Variants in KRT76 observed in about 807,000 individuals in gnomAD.
KRT76 encodes keratin, type II cytoskeletal 2 oral.
A neutral mutation model predicts 44.9 loss-of-function variants in KRT76; 47 were observed. The observed-to-expected ratio is 1.05, with a 90% CI of 0.83 to 1.33. The LOEUF (loss-of-function observed/expected upper bound fraction) is 1.33, where lower values mean the gene tolerates loss of function less well. Ranked by LOEUF, KRT76 falls within the 40% of genes most tolerant of loss-of-function variation. The pLI, the probability that KRT76 is intolerant of heterozygous loss-of-function variation, is 0.00. For synonymous variants in KRT76, 331 were observed against 294.1 expected (o/e 1.13, Z -1.28); for missense variants, 860 against 775.8 (o/e 1.11, Z -1.29).
In KRT76 at chr12:52,768,886, C is replaced by T; in HGVS notation, c.1744G>A (p.Gly582Arg). The T allele has an allele frequency of 1.9e-6, 3 of 1,613,378 alleles. No homozygotes were observed. The highest frequency in any genetic ancestry group is 2.5e-6 in the Non-Finnish European group (3 of 1,179,520). The change falls in exon 9 of 9, where the codon GGG (glycine) becomes AGG (arginine). Residue 582 changes from glycine (G) to arginine (R), a missense_variant. Gly to Arg is a moderately radical substitution (Grantham distance 125, BLOSUM62 -2). Coordinates refer to ENST00000332411, the MANE Select transcript of KRT76 (RefSeq NM_015848.4). Reference protein sequence around the residue: ...SSGSYQSSSSGSRLGGAGSIS... With the variant: ...SSGSYQSSSSRSRLGGAGSIS... ...CTACCTGCACCGCCGAGCCTGCTCC[C>T]ACTACTGCTGCTCTGGTAGCTCCCG...
At position 52,770,990 on chromosome 12, in the gene KRT76, GC is replaced by G. The variant is rs1939170251; in HGVS notation, c.1484+8del. On this transcript the variant is annotated splice_region_variant and intron_variant, in intron 7 of 8. Transcript: ENST00000332411. ...ATATCTGGAGAATGGTGATCCCATG[GC>G]CCCTCACCTGCACTCCTCTCCCTCC... 1 of 1,613,824 alleles carries G rather than the reference GC, an allele frequency of 6.2e-7. No individual in the cohort carries two copies. The highest frequency in any genetic ancestry group is 8.5e-7 in the Non-Finnish European group (1 of 1,179,876).
chr12:52,771,777 A>G, intron 6 of KRT76, 94 bp downstream of exon 6: 1 of 1,437,048 alleles, frequency 7.0e-7, no homozygotes, highest in Non-Finnish European at 9.5e-7. Flanking sequence ...CCATGAAAGG[A>G]TGGAGAGAGC....
At chr12:52,770,165 G>A (rs1483678815) in intron 7 of KRT76, among the ~76,000 whole-genome samples, 3 of 152,134 alleles carry the variant, frequency 2.0e-5, no homozygotes, top group Non-Finnish European at 4.4e-5. Context: ...GATTGGGTCT[G>A]CATATCTTGC....
At position 52,768,812 on chromosome 12, in the gene KRT76, C is replaced by A; in HGVS notation, c.1818G>T (p.Gln606His). Reference sequence around the variant, plus strand: ...ACTTGTAGCCACTTCCTCCAGAAGTCTGGATGCTGCCAGAGCTGGAGCCCA... The same window carrying A: ...ACTTGTAGCCACTTCCTCCAGAAGTATGGATGCTGCCAGAGCTGGAGCCCA... The part of the protein sequence containing the change: ...SGMGSSSGSI[Q>H]TSGGSGYKSG... Residue 606 changes from glutamine to histidine, a missense_variant, in exon 9 of 9, where the codon CAG (glutamine) becomes CAT (histidine). By Grantham distance (24) the Gln-to-His change is conservative. Transcript: ENST00000332411. 6.2e-7 allele frequency: 1 copy of A among 1,614,006 alleles called. No individual in the cohort carries two copies. The highest frequency in any genetic ancestry group is 1.3e-5 in the African/African-American group (1 of 75,006).
rs74094385 is a variant in KRT76 at position 52,768,367 on chromosome 12, C to T, written c.*346G>A. The T allele has an allele frequency of 9.8e-3, 2,386 of 242,360 alleles. 52 individuals are homozygous for T. The highest frequency in any genetic ancestry group is 0.049 in the African/African-American group (2,223 of 45,496). The allele number at this position is 242,360 out of a possible 1,614,324, so 15.0% of individuals were successfully genotyped here. ...CCCTCCTCAGACAGTGCTGAGATGA[C>T]TGGCTTCAAATCTCCAACTCCCAGT... On this transcript the variant is annotated 3_prime_UTR_variant, in exon 9 of 9. Transcript: ENST00000332411.
chr12:52,772,868 G>A lies in KRT76; in HGVS notation c.887C>T (p.Ala296Val), dbSNP rs771208701. 112 of 1,613,414 alleles carry A rather than the reference G, an allele frequency of 6.9e-5. No individual in the cohort carries two copies. The highest frequency in any genetic ancestry group is 1.6e-4 in the Middle Eastern group (1 of 6,078). The change falls in exon 4 of 9, where the codon GCG becomes GTG. Residue 296 changes from alanine to valine, a missense_variant. Ala to Val is a moderately conservative substitution (Grantham distance 64, BLOSUM62 0). Transcript: ENST00000332411. Reference sequence around the variant, plus strand: ...CAGCTCCACCTTGTTCATGAAAGCCGCATCCACATCCTGCAGAGGAGGTCA... The same window carrying A: ...CAGCTCCACCTTGTTCATGAAAGCCACATCCACATCCTGCAGAGGAGGTCA... Reference protein sequence around the residue: ...EFVGLKKDVDAAFMNKVELQA... With the variant: ...EFVGLKKDVDVAFMNKVELQA...
In KRT76 at chr12:52,772,151, C is replaced by T. The variant is rs1939193806; in HGVS notation, c.1080G>A (p.Gln360=). ...TGCTCCTCTGGGCAATCTCCTCATA[C>T]TGGGCGCGGACCTCGGCAATGATGC... ...LGSIIAEVRA[Q]YEEIAQRSKS... is the part of the protein sequence containing the mutation. Residue 360 remains glutamine, a synonymous_variant, in exon 5 of 9, where the codon CAG becomes CAA. Transcript: ENST00000332411. 1.2e-6 allele frequency: 2 copies of T among 1,613,704 alleles called. No homozygotes were observed. Among genetic ancestry groups the T allele is most frequent in the Non-Finnish European group, 1.7e-6 (2 of 1,179,790 alleles).
chr12:52,776,578 C>T, intron 1 of KRT76, 114 bp downstream of exon 1: 1 of 1,557,116 alleles, frequency 6.4e-7, no homozygotes, highest in Non-Finnish European at 8.8e-7. Context: ...AAGACAGCAC[C>T]AGGACAAGAG....
intron 3 of KRT76, among the ~76,000 whole-genome samples, 167 bp downstream of exon 3, chr12:52,773,415 A>G (rs1939214910): frequency 6.6e-6 from 1 of 152,188 alleles, no homozygotes. Context: ...TAATATACTT[A>G]GAGCAGCTTC....
At chr12:52,771,705 C>T (rs1407314818) in intron 6 of KRT76, among the ~76,000 whole-genome samples, 166 bp downstream of exon 6, 1 of 152,168 alleles carries the variant, frequency 6.6e-6, no homozygotes, top group Non-Finnish European at 1.5e-5. Flanking sequence ...GAAGTTCAAC[C>T]TCCAACAAAA....
At chr12:52,771,361 C>A (rs1278881312) in intron 6 of KRT76, 142 bp from the exon 7 acceptor site, 1 of 797,418 alleles carries the variant, frequency 1.3e-6, no homozygotes. Flanking sequence ...GAAAAGAAGT[C>A]AGTTTTGCAG....
chr12:52,776,588 G>A (rs970494836), intron 1 of KRT76, 104 bp downstream of exon 1: 1 of 1,584,296 alleles, frequency 6.3e-7, no homozygotes, highest in Non-Finnish European at 8.6e-7. Flanking sequence ...CAGGACAAGA[G>A]CCAAGCGCCC....
intron 2 of KRT76, among the ~76,000 whole-genome samples, chr12:52,774,767 G>A (rs986619879): frequency 3.9e-5 from 6 of 152,310 alleles, no homozygotes; most frequent in African/African-American, 7.2e-5. Flanking sequence ...AGGTGTGCCC[G>A]TCCCTGTGGG....
chr12:52,774,933 G>A (rs1418598817), intron 2 of KRT76, among the ~76,000 whole-genome samples: 1 of 152,166 alleles, frequency 6.6e-6, no homozygotes, highest in Non-Finnish European at 1.5e-5. Context: ...CACTGATAAA[G>A]GCCTTTACCA....
At chr12:52,773,776 C>A in intron 2 of KRT76, 134 bp from the exon 3 acceptor site, 1 of 567,048 alleles carries the variant, frequency 1.8e-6, no homozygotes, top group Non-Finnish European at 3.1e-6. Context: ...ACACAGGACC[C>A]TGGGCTCAGG....
In KRT76 at chr12:52,772,891, T is replaced by G. The variant is rs1012497616; in HGVS notation, c.877-13A>C. ...CCGCATCCACATCCTGCAGAGGAGG[T>G]CAGAAACCCAGAGAATGACCCTCTG... On this transcript the variant is annotated splice_polypyrimidine_tract_variant and intron_variant, in intron 3 of 8. Coordinates refer to ENST00000332411, the MANE Select transcript of KRT76 (RefSeq NM_015848.4). The G allele has an allele frequency of 2.6e-5, 41 of 1,604,364 alleles. No homozygotes were observed. The highest frequency in any genetic ancestry group is 3.4e-5 in the Non-Finnish European group (40 of 1,171,250).
rs781669096 is a variant in KRT76 at position 52,772,032 on chromosome 12, A to T, written c.1138-36T>A. 3.7e-6 allele frequency: 6 copies of T among 1,610,730 alleles called. No individual in the cohort carries two copies. The Admixed American group carries it at 8.4e-5, about 22-fold the overall frequency. ...AAAAACCAATCAACGTGGCTTTTGC[A>T]AAGTGTTGGCACATTCTCAATGAAG... On this transcript the variant is annotated intron_variant, in intron 5 of 8. Transcript: ENST00000332411.
chr12:52,770,090 G>A (rs1367375619), intron 7 of KRT76, among the ~76,000 whole-genome samples: 1 of 152,172 alleles, frequency 6.6e-6, no homozygotes, highest in Non-Finnish European at 1.5e-5. Context: ...CACCTACACT[G>A]TCCATCTTCC....
In KRT76 at chr12:52,777,172, A is replaced by G. The variant is rs142159381; in HGVS notation, c.120T>C (p.Gly40=). The G allele has an allele frequency of 6.2e-6, 10 of 1,614,140 alleles. No homozygotes were observed. The highest frequency in any genetic ancestry group is 8.5e-6 in the Non-Finnish European group (10 of 1,180,020). Residue 40 remains glycine (G), a synonymous_variant, in exon 1 of 9, where the codon GGT becomes GGC. Coordinates refer to ENST00000332411, the MANE Select transcript of KRT76 (RefSeq NM_015848.4). ...CGCTCCTGAAGCCACAGGCCCCTCC[A>G]CCAGCTCCCCCAGAGCGGGCCACAC... ...MSCVARSGGA[G]GGACGFRSGA...
Sources: allele counts gnomAD v4.1 joint callset (sites outside exome capture counted in the v4.1 genomes callset), GRCh38; gene constraint gnomAD v4.1.1; transcripts MANE v1.5; gene names NCBI Gene and HGNC (gene_info 2026-07-23, HGNC 2026-07-21).